Variants in FUT8 observed in about 807,000 individuals in gnomAD.
The protein encoded by FUT8 is alpha-(1,6)-fucosyltransferase.
Under a neutral mutation model 71.3 loss-of-function variants are expected in FUT8, and 29 were observed. That is an observed-to-expected ratio of 0.41 (90% CI 0.30 to 0.55). The LOEUF is 0.55. Among genes scored for constraint, FUT8 ranks in the 20% least tolerant of loss-of-function variants. The pLI is 0.34. For missense variants in FUT8, 544 were observed against 702.1 expected, an observed-to-expected ratio of 0.77 and a Z score of 2.55; for synonymous variants, 254 against 239.3, an observed-to-expected ratio of 1.06 and a Z score of -0.57.
the FUT8 span, among the ~76,000 whole-genome samples, chr14:65,369,573 C>T: frequency 6.6e-6 from 1 of 152,160 alleles, no homozygotes; most frequent in African/African-American, 2.4e-5. The surrounding 1 kb of genome is among the most constrained non-coding windows in gnomAD (Gnocchi z 4.6). Flanking sequence ...CCAAAACCCA[C>T]CAAAACCAAG....
intron 2 of FUT8, among the ~76,000 whole-genome samples, chr14:65,535,900 T>C (rs943355382): frequency 5.9e-5 from 9 of 152,106 alleles, no homozygotes; most frequent in African/African-American, 1.2e-4. Context: ...CCCACTGTTA[T>C]TGTGTGGGAG....
chr14:65,618,965 T>A (rs1257140221), intron 5 of FUT8, among the ~76,000 whole-genome samples: 5 of 152,100 alleles, frequency 3.3e-5, no homozygotes, highest in African/African-American at 1.2e-4. Flanking sequence ...AGCCCCTGAT[T>A]TGACAGAGTG....
intron 6 of FUT8, among the ~76,000 whole-genome samples, chr14:65,644,229 T>C (rs1224778550): frequency 1.3e-5 from 2 of 152,174 alleles, no homozygotes; most frequent in African/African-American, 4.8e-5. Flanking sequence ...TGGTGCTGTC[T>C]TTATGAAAAG....
At chr14:65,363,796 C>G in the FUT8 span, among the ~76,000 whole-genome samples, 1 of 152,216 alleles carries the variant, frequency 6.6e-6, no homozygotes, top group Non-Finnish European at 1.5e-5. Context: ...TAAAACCACT[C>G]AGGTTTTACC....
intron 2 of FUT8, among the ~76,000 whole-genome samples, chr14:65,466,005 A>G (rs762365345): frequency 8.5e-5 from 13 of 152,182 alleles, no homozygotes; most frequent in Non-Finnish European, 1.9e-4. Context: ...ATAATAACAG[A>G]TTGACCATCT....
the FUT8 span, among the ~76,000 whole-genome samples, chr14:65,380,199 A>C: frequency 2.6e-5 from 4 of 152,198 alleles, no homozygotes; most frequent in Non-Finnish European, 5.9e-5. Context: ...GGCACTTCTT[A>C]CATGGCAGTG....
intron 1 of FUT8, among the ~76,000 whole-genome samples, chr14:65,437,246 G>C (rs1052358833): frequency 1.3e-5 from 2 of 152,120 alleles, no homozygotes; most frequent in Non-Finnish European, 2.9e-5. Context: ...TCAAACAAAA[G>C]CTTAGGGTAT....
chr14:65,477,229 T>G (rs967053904), intron 2 of FUT8, among the ~76,000 whole-genome samples: 8 of 152,312 alleles, frequency 5.3e-5, no homozygotes, highest in Admixed American at 3.3e-4. Context: ...GATGCTAATT[T>G]TCCACATCTG....
chr14:65,656,231 A>T (rs1891675485), intron 6 of FUT8, among the ~76,000 whole-genome samples: 1 of 152,170 alleles, frequency 6.6e-6, no homozygotes, highest in Non-Finnish European at 1.5e-5. Context: ...CAAAAAAAAA[A>T]CTACTAGAAC....
intron 9 of FUT8, 144 bp from the exon 10 acceptor site, chr14:65,733,087 A>C (rs952696257): frequency 2.8e-5 from 14 of 504,994 alleles, no homozygotes; most frequent in Non-Finnish European, 4.5e-5. Flanking sequence ...GATGGACTTC[A>C]AATATGTCTC....
At chr14:65,377,769 G>A in the FUT8 span, among the ~76,000 whole-genome samples, 29 of 152,030 alleles carry the variant, frequency 1.9e-4, no homozygotes, top group South Asian at 5.7e-3. Context: ...AATCTAGCCT[G>A]GTATGCCCCT....
At chr14:65,505,586 A>G (rs1357264870) in intron 2 of FUT8, among the ~76,000 whole-genome samples, 6 of 152,114 alleles carry the variant, frequency 3.9e-5, no homozygotes, top group Non-Finnish European at 8.8e-5. Context: ...TGCTGGGATT[A>G]CAGGAGTGAG....
At chr14:65,484,496 C>T (rs906831238) in intron 2 of FUT8, among the ~76,000 whole-genome samples, 5 of 151,652 alleles carry the variant, frequency 3.3e-5, no homozygotes, top group Non-Finnish European at 7.4e-5. Flanking sequence ...TTGAAATGAT[C>T]CCATGTTTGT....
At chr14:65,704,008 A>G (rs139164859) in intron 7 of FUT8, among the ~76,000 whole-genome samples, 2 of 152,296 alleles carry the variant, frequency 1.3e-5, no homozygotes, top group East Asian at 1.9e-4. Context: ...CAGAATTTCT[A>G]CTTAATAATT....
intron 6 of FUT8, among the ~76,000 whole-genome samples, chr14:65,649,753 G>T (rs905123345): frequency 3.9e-5 from 6 of 152,100 alleles, no homozygotes; most frequent in African/African-American, 1.4e-4. Flanking sequence ...TAATGATATT[G>T]TTCTCAAGAT....
chr14:65,536,126 T>G (rs1328343228), intron 2 of FUT8, among the ~76,000 whole-genome samples: 6 of 152,196 alleles, frequency 3.9e-5, no homozygotes, highest in Admixed American at 3.9e-4. Flanking sequence ...ATCTCTTTAT[T>G]TTTTAGCCTA....
At chr14:65,709,344 T>G (rs1894706398) in intron 7 of FUT8, among the ~76,000 whole-genome samples, 1 of 152,162 alleles carries the variant, frequency 6.6e-6, no homozygotes, top group African/African-American at 2.4e-5. Flanking sequence ...TCTGAAAGAT[T>G]ACTAGAGATG....
At chr14:65,390,049 G>A in the FUT8 span, among the ~76,000 whole-genome samples, 2 of 151,346 alleles carry the variant, frequency 1.3e-5, no homozygotes, top group Non-Finnish European at 2.9e-5. Context: ...GCTGAGGTGG[G>A]AGGATCGCTT....
intron 6 of FUT8, among the ~76,000 whole-genome samples, chr14:65,637,443 A>G (rs1890617805): frequency 6.6e-6 from 1 of 152,174 alleles, no homozygotes; most frequent in South Asian, 2.1e-4. Flanking sequence ...CTGCAGAAGG[A>G]TATCTCCGAG....
Sources: allele counts gnomAD v4.1 joint callset (sites outside exome capture counted in the v4.1 genomes callset), GRCh38; gene constraint gnomAD v4.1.1; non-coding constraint Gnocchi (gnomAD v3.1); transcripts MANE v1.5; gene names NCBI Gene and HGNC (gene_info 2026-07-23, HGNC 2026-07-21).